The following GALNTL6 variants were observed in gnomAD, a reference collection of about 807,000 sequenced individuals.
The protein encoded by GALNTL6 is polypeptide N-acetylgalactosaminyltransferase like 6, also known as polypeptide N-acetylgalactosaminyltransferase-like 6.
Under a neutral mutation model 73.7 loss-of-function variants are expected in GALNTL6, and 46 were observed. The observed-to-expected ratio is 0.62, with a 90% CI of 0.49 to 0.80. The LOEUF (loss-of-function observed/expected upper bound fraction) is 0.80. Among genes scored for constraint, GALNTL6 ranks in the 30% least tolerant of loss-of-function variants. The probability of loss-of-function intolerance (pLI) is 0.00; values close to 1 mark genes in which losing one functional copy is unlikely to be tolerated. For missense variants in GALNTL6, 604 were observed against 755.0 expected (o/e 0.80, Z 2.34); for synonymous variants, 259 against 263.7 (o/e 0.98, Z 0.17).
chr4:172,873,478 C>G (rs1367021111), intron 7 of GALNTL6, among the ~76,000 whole-genome samples: 2 of 152,202 alleles, frequency 1.3e-5, no homozygotes, highest in African/African-American at 4.8e-5. Flanking sequence ...ACAATCCCAC[C>G]TAGATTCAAA....
intron 2 of GALNTL6, among the ~76,000 whole-genome samples, chr4:172,221,716 T>C: frequency 6.6e-6 from 1 of 151,782 alleles, no homozygotes; most frequent in African/African-American, 2.4e-5. Flanking sequence ...CAGAGGACTT[T>C]CCTGCTGAGC....
At chr4:171,960,634 A>G (rs920054230) in intron 2 of GALNTL6, among the ~76,000 whole-genome samples, 1 of 151,280 alleles carries the variant, frequency 6.6e-6, no homozygotes, top group Non-Finnish European at 1.5e-5. Flanking sequence ...TAAAACAAAT[A>G]AAATGTATAT....
chr4:172,420,769 G>A (rs1025553507), intron 5 of GALNTL6, among the ~76,000 whole-genome samples: 7 of 151,924 alleles, frequency 4.6e-5, no homozygotes, highest in Admixed American at 2.0e-4. Context: ...CAACCCAAAC[G>A]CCCATCAATG....
intron 11 of GALNTL6, among the ~76,000 whole-genome samples, chr4:173,010,751 T>C (rs1361478797): frequency 1.3e-5 from 2 of 150,108 alleles, no homozygotes; most frequent in African/African-American, 4.9e-5. Context: ...CACACCACCA[T>C]GCCCAGCTAA....
intron 2 of GALNTL6, among the ~76,000 whole-genome samples, chr4:172,111,999 A>T (rs1267095001): frequency 1.3e-5 from 2 of 152,182 alleles, no homozygotes; most frequent in East Asian, 3.9e-4. Context: ...TTGCACGATG[A>T]CATGCACACA....
At position 172,744,840 on chromosome 4, in the gene GALNTL6, C is replaced by CGTGTGTGT. The variant is rs3084334; in HGVS notation, c.554-64496_554-64489dup. ...AGGATAGATTTTAAGAGTGCGCGTG[C>CGTGTGTGT]GTGTGTGTGTGTGTGTGTGTGTGTG... On this transcript the variant is annotated intron_variant, in intron 5 of 12. Transcript: ENST00000506823. Among the ~76,000 whole-genome samples the CGTGTGTGT allele has an allele frequency of 4.4e-3, 661 of 149,350 alleles. 17 individuals are homozygous for CGTGTGTGT. The South Asian group carries it at 0.067, about 15-fold the overall frequency.
intron 5 of GALNTL6, among the ~76,000 whole-genome samples, chr4:172,376,629 A>C (rs966081019): frequency 1.3e-5 from 2 of 152,126 alleles, no homozygotes; most frequent in African/African-American, 4.8e-5. Context: ...AATTCTAAGA[A>C]AAAATAGGAC....
intron 8 of GALNTL6, among the ~76,000 whole-genome samples, chr4:172,907,915 T>C (rs1157350995): frequency 6.6e-6 from 1 of 152,214 alleles, no homozygotes; most frequent in African/African-American, 2.4e-5. Context: ...GGAAGCACTT[T>C]ACAGCTTCTC....
chr4:172,328,535 T>C (rs994700291), intron 4 of GALNTL6, among the ~76,000 whole-genome samples: 1 of 152,196 alleles, frequency 6.6e-6, no homozygotes, highest in African/African-American at 2.4e-5. Flanking sequence ...CAGTGATTCC[T>C]ATTTTAGGCC....
chr4:172,254,752 A>G (rs1738014239), intron 3 of GALNTL6, among the ~76,000 whole-genome samples: 2 of 151,764 alleles, frequency 1.3e-5, no homozygotes, highest in South Asian at 4.1e-4. Flanking sequence ...GAAGACATAA[A>G]TATTATCAAC....
intron 5 of GALNTL6, among the ~76,000 whole-genome samples, chr4:172,357,061 G>C (rs904325836): frequency 6.6e-6 from 1 of 152,030 alleles, no homozygotes; most frequent in Non-Finnish European, 1.5e-5. Flanking sequence ...TATTGAAATA[G>C]AGGATTCATG....
rs1752437278 is a variant in GALNTL6, at chr4:173,009,301, C to T, written c.1488+7C>T. 1 of 1,573,126 alleles carries T rather than the reference C, an allele frequency of 6.4e-7. No homozygotes were observed. The highest frequency in any genetic ancestry group is 2.2e-5 in the East Asian group (1 of 44,710). The stretch of plus-strand genomic sequence containing the variant: ...AACATGGTCTCATGAACAGGTGAGT[C>T]ACCTCCCAGAAGCCAGGGCAGTGGG... On this transcript the variant is annotated splice_region_variant and intron_variant, in intron 11 of 12. Transcript: ENST00000506823.
intron 5 of GALNTL6, among the ~76,000 whole-genome samples, chr4:172,719,576 A>T (rs1735326604): frequency 6.6e-6 from 1 of 152,228 alleles, no homozygotes; most frequent in Admixed American, 6.5e-5. Context: ...GTAGAAAATT[A>T]GAATAGCATA....
intron 5 of GALNTL6, among the ~76,000 whole-genome samples, chr4:172,537,355 G>A (rs1462094593): frequency 6.6e-6 from 1 of 152,120 alleles, no homozygotes; most frequent in Non-Finnish European, 1.5e-5. Flanking sequence ...TCATGGGAGT[G>A]GTTACCTCCA....
chr4:172,797,413 T>C (rs942170547), intron 5 of GALNTL6, among the ~76,000 whole-genome samples: 13 of 151,818 alleles, frequency 8.6e-5, no homozygotes, highest in Non-Finnish European at 1.9e-4. Flanking sequence ...CCCGGCTAAT[T>C]TTTTGTATTT....
intron 7 of GALNTL6, among the ~76,000 whole-genome samples, chr4:172,862,604 G>A (rs1371084823): frequency 9.2e-5 from 14 of 152,132 alleles, no homozygotes; most frequent in Non-Finnish European, 2.9e-5. Flanking sequence ...GGAGGCTGAG[G>A]CAGAAGAATC....
chr4:172,560,278 C>T (rs1010743528), intron 5 of GALNTL6, among the ~76,000 whole-genome samples: 1 of 151,696 alleles, frequency 6.6e-6, no homozygotes, highest in Non-Finnish European at 1.5e-5. Context: ...AGTTCAAAAC[C>T]AGCCTGGTCA....
intron 2 of GALNTL6, among the ~76,000 whole-genome samples, chr4:172,164,162 G>A (rs1734552860): frequency 6.6e-6 from 1 of 151,922 alleles, no homozygotes; most frequent in Admixed American, 6.6e-5. Context: ...TTACTCTTGA[G>A]AAGTATAAAA....
chr4:171,991,712 A>ATG (rs376844621), intron 2 of GALNTL6, among the ~76,000 whole-genome samples: 41,635 of 136,624 alleles, frequency 0.3, 6,907 homozygotes, highest in Non-Finnish European at 0.39. Context: ...GTTTGATTAT[A>ATG]TGTGTGTGTG....
Sources: gnomAD v4.1 joint callset for allele counts (sites outside exome capture counted in the v4.1 genomes callset) on GRCh38, gnomAD v4.1.1 for gene constraint, MANE v1.5 for transcripts, NCBI Gene and HGNC (gene_info 2026-07-23, HGNC 2026-07-21) for gene names.